MYH16: variants seen among roughly 807,000 people sequenced by gnomAD.
MYH16 encodes myosin heavy chain 16.
At chr7:99,266,621 G>T (rs2150813709) in intron 17 of MYH16, among the ~76,000 whole-genome samples, 1 of 152,234 alleles carries the variant, frequency 6.6e-6, no homozygotes, top group East Asian at 1.9e-4. Flanking sequence ...TTCATTTCTA[G>T]AAACAGCTCC....
downstream of MYH16, among the ~76,000 whole-genome samples, chr7:99,308,922 T>C (rs927132571): frequency 6.6e-6 from 1 of 152,098 alleles, no homozygotes; most frequent in African/African-American, 2.4e-5. Context: ...CAAGACCCTA[T>C]CTCTACAAAA....
chr7:99,254,711 A>C (rs1296967723), intron 8 of MYH16, among the ~76,000 whole-genome samples: 1 of 152,202 alleles, frequency 6.6e-6, no homozygotes, highest in Non-Finnish European at 1.5e-5. Flanking sequence ...TCTTACACAC[A>C]CACACCTCCT....
chr7:99,239,797 C>T (rs1791644077), intron 1 of MYH16, among the ~76,000 whole-genome samples: 1 of 152,154 alleles, frequency 6.6e-6, no homozygotes, highest in Non-Finnish European at 1.5e-5. Flanking sequence ...GGACACTTCC[C>T]CCCAGACAGC....
At chr7:99,272,507 G>A (rs1792058962) in intron 19 of MYH16, among the ~76,000 whole-genome samples, 1 of 152,068 alleles carries the variant, frequency 6.6e-6, no homozygotes, top group Non-Finnish European at 1.5e-5. Flanking sequence ...AGAAGCCAAG[G>A]TGGGAGATCA....
chr7:99,285,189 G>A lies in MYH16; in HGVS notation n.3317-193G>A, dbSNP rs377153201. On this transcript the variant is annotated intron_variant and non_coding_transcript_variant, in intron 26 of 41. Coordinates refer to ENST00000439784, the Ensembl canonical transcript of MYH16. ...TATCCAGCCATGCTGGCTCCTGGCT[G>A]GGTGTCACACATGCCAGGCCCCCTC... Among the ~76,000 whole-genome samples, 802 of 152,312 alleles carry A rather than the reference G, an allele frequency of 5.3e-3. 7 individuals are homozygous for A. Among genetic ancestry groups the A allele is most frequent in the African/African-American group, 0.017 (686 of 41,570 alleles).
At chr7:99,260,707 C>T (rs1268646667) in intron 12 of MYH16, 3 of 176,642 alleles carry the variant, frequency 1.7e-5, no homozygotes, top group Admixed American at 5.7e-5. Flanking sequence ...CACGCTCTGA[C>T]CCAGGCAATA....
At chr7:99,303,828 T>C (rs1792642776) in intron 39 of MYH16, among the ~76,000 whole-genome samples, 1 of 151,858 alleles carries the variant, frequency 6.6e-6, no homozygotes, top group Admixed American at 6.6e-5. Context: ...ACAATAACAA[T>C]AAAAGCAAAC....
exon 31 of MYH16, chr7:99,291,409 C>T (rs1792373797): frequency 2.2e-6 from 1 of 456,440 alleles, no homozygotes; most frequent in Admixed American, 2.4e-5. Context: ...TCTGACGTCA[C>T]AAGTGGATGA....
rs11769461 is a variant in MYH16, at chr7:99,279,644, C to T, written n.2794C>T. Reference sequence around the variant, plus strand: ...AGGGCATGGCGGCCTCACTGAGTGCCGCCAAGCGCAAGTTGGAAGGGGAGC... The same window carrying T: ...AGGGCATGGCGGCCTCACTGAGTGCTGCCAAGCGCAAGTTGGAAGGGGAGC... On this transcript the variant is annotated non_coding_transcript_exon_variant, in exon 22 of 42. Coordinates refer to ENST00000439784, the Ensembl canonical transcript of MYH16. 526 of 456,466 alleles carry T rather than the reference C, an allele frequency of 1.2e-3. 7 individuals carry two copies. Among genetic ancestry groups the T allele is most frequent in the South Asian group, 7.9e-3 (512 of 64,554 alleles). 28.3% of individuals were successfully genotyped at this position (456,466 alleles called of 1,614,324 possible).
At chr7:99,278,653 T>C (rs1792152483) in intron 21 of MYH16, among the ~76,000 whole-genome samples, 1 of 152,112 alleles carries the variant, frequency 6.6e-6, no homozygotes, top group South Asian at 2.1e-4. Context: ...TTGATCAAAG[T>C]CCCAGGCCCA....
At chr7:99,286,028 G>GC (rs906285203) in intron 27 of MYH16, among the ~76,000 whole-genome samples, 1 of 152,218 alleles carries the variant, frequency 6.6e-6, no homozygotes, top group African/African-American at 2.4e-5. Context: ...AGGGCACAAG[G>GC]CCCCCCAGGC....
intron 2 of MYH16, among the ~76,000 whole-genome samples, chr7:99,246,223 A>G (rs1195754088): frequency 3.3e-5 from 5 of 151,572 alleles, no homozygotes. Flanking sequence ...AAAAAAAGAA[A>G]GAAAAGAAAA....
intron 39 of MYH16, among the ~76,000 whole-genome samples, chr7:99,303,902 G>A (rs567814409): frequency 6.6e-6 from 1 of 152,304 alleles, no homozygotes; most frequent in East Asian, 1.9e-4. Context: ...GGAGGACATT[G>A]GTGGATGAGC....
intron 20 of MYH16, among the ~76,000 whole-genome samples, chr7:99,274,923 C>T (rs568137432): frequency 6.6e-6 from 1 of 152,162 alleles, no homozygotes; most frequent in East Asian, 1.9e-4. Flanking sequence ...ATCCACCCGC[C>T]TTGGCCTCCC....
chr7:99,251,743 G>T (rs966032344), intron 6 of MYH16, among the ~76,000 whole-genome samples: 2 of 152,182 alleles, frequency 1.3e-5, no homozygotes, highest in Non-Finnish European at 2.9e-5. Context: ...GCCAAGGCAG[G>T]AGGATCCCTT....
At chr7:99,248,135 G>A (rs1053418508) in intron 3 of MYH16, among the ~76,000 whole-genome samples, 9 of 151,978 alleles carry the variant, frequency 5.9e-5, no homozygotes, top group Non-Finnish European at 1.2e-4. Flanking sequence ...ATAGAGTTTC[G>A]CTCTTGTCAT....
At chr7:99,291,617 A>ACCCCCCCCCCCCCC (rs34446113) in intron 31 of MYH16, among the ~76,000 whole-genome samples, 167 bp downstream of exon 12, 898 of 105,872 alleles carry the variant, frequency 8.5e-3, no homozygotes, top group Non-Finnish European at 9.5e-3. Flanking sequence ...ACACAGCAAG[A>ACCCCCCCCCCCCCC]CCCCCCCCCA....
intron 11 of MYH16, chr7:99,260,014 G>C (rs1791922911): frequency 1.8e-6 from 1 of 559,188 alleles, no homozygotes; most frequent in South Asian, 2.0e-5. Flanking sequence ...ATAGGGTGCT[G>C]AATGGCCAGT....
intron 2 of MYH16, among the ~76,000 whole-genome samples, chr7:99,246,141 G>A (rs1440996027): frequency 6.6e-6 from 1 of 151,468 alleles, no homozygotes; most frequent in Non-Finnish European, 1.5e-5. Flanking sequence ...AGGAGTTCAA[G>A]GCTGCAGTGA....
Sources: allele counts gnomAD v4.1 joint callset (sites outside exome capture counted in the v4.1 genomes callset), GRCh38; gene constraint gnomAD v4.1.1; transcripts MANE v1.5; gene names NCBI Gene and HGNC (gene_info 2026-07-23, HGNC 2026-07-21).